ANK3: variants seen among roughly 807,000 people sequenced by gnomAD.
The protein encoded by ANK3 is ankyrin-3.
ANK3 carries 57 observed loss-of-function variants against 370.9 expected under a neutral mutation model. The ratio of observed to expected loss-of-function variants is 0.15; its 90% CI spans 0.12 to 0.19. The LOEUF is 0.19. ANK3 is among the 10% of genes least tolerant of loss of function. The probability of loss-of-function intolerance (pLI) is 1.00; values close to 1 mark genes in which losing one functional copy is unlikely to be tolerated. For synonymous variants in ANK3, 1,929 were observed against 1,946.3 expected (o/e 0.99, Z 0.23); for missense variants, 4,439 against 5,302.1 (o/e 0.84, Z 5.06).
chr10:60,055,998 T>C lies in ANK3; in HGVS notation c.12725A>G (p.Lys4242Arg), dbSNP rs759965221. ...QCRDSITSYL[K>R]GEAGKFEANG... is the part of the protein sequence containing the mutation. ...TGCTTCAAATTTGCCAGCTTCTCCT[T>C]TGAGATATGAGGTAATGGAATCTCT... is the stretch of plus-strand genomic sequence containing the variant. The change falls in exon 42 of 44, where the codon AAA becomes AGA. Residue 4242 changes from lysine to arginine, a missense_variant. Coordinates refer to ENST00000280772, the MANE Select transcript of ANK3 (RefSeq NM_020987.5). 1.2e-6 allele frequency: 2 copies of C among 1,613,750 alleles called. No homozygotes were observed. The highest frequency in any genetic ancestry group is 8.5e-7 in the Non-Finnish European group (1 of 1,179,998).
chr10:60,078,293 T>C (rs2084291706), intron 36 of ANK3, among the ~76,000 whole-genome samples: 1 of 152,190 alleles, frequency 6.6e-6, no homozygotes, highest in Non-Finnish European at 1.5e-5. Context: ...GGCTTACATA[T>C]TATTCTAAAG....
In ANK3 at chr10:60,618,566, G is replaced by C. The variant is rs116167825; in HGVS notation, c.58-3342C>G. On this transcript the variant is annotated intron_variant, in intron 1 of 43. Transcript: ENST00000373827. ...AAGAGTAGGACTTTGAAGCAAAAGA[G>C]AAACTCTTGGAGGAAAAGGGTTGAG... Among the ~76,000 whole-genome samples the C allele has an allele frequency of 2.0e-3, 301 of 152,214 alleles. 1 individual carries two copies. The highest frequency in any genetic ancestry group is 6.9e-3 in the African/African-American group (286 of 41,528).
In ANK3 at chr10:60,450,357, G is replaced by A. The variant is rs1033997958; in HGVS notation, c.96+164829C>T. The stretch of plus-strand genomic sequence containing the variant: ...ATTTGCGGTGTTTGCCACTTTCCAT[G>A]ATGTAAATACTCCCATCATGGCTGA... On this transcript the variant is annotated intron_variant, in intron 2 of 43. Coordinates refer to the ANK3 transcript ENST00000373827. Among the ~76,000 whole-genome samples, 4 of 152,106 alleles carry A rather than the reference G, an allele frequency of 2.6e-5. No homozygotes were observed. In the South Asian group the frequency reaches 8.3e-4, roughly 32 times the overall value.
intron 1 of ANK3, among the ~76,000 whole-genome samples, chr10:60,720,913 C>T (rs74157812): frequency 6.6e-6 from 1 of 152,132 alleles, no homozygotes; most frequent in Non-Finnish European, 1.5e-5. Flanking sequence ...AAGCCCAGAC[C>T]TTTTGAAGGT....
At chr10:60,263,650 C>T (rs368548299) in intron 6 of ANK3, among the ~76,000 whole-genome samples, 185 bp downstream of exon 6, 5 of 152,164 alleles carry the variant, frequency 3.3e-5, no homozygotes, top group Non-Finnish European at 7.3e-5. Context: ...ATTCCCCTCA[C>T]CCCCCAACTT....
At chr10:60,150,955 T>A (rs1048686760) in intron 23 of ANK3, among the ~76,000 whole-genome samples, 1 of 152,188 alleles carries the variant, frequency 6.6e-6, no homozygotes, top group Non-Finnish European at 1.5e-5. Flanking sequence ...TAAATGCAAA[T>A]TCCAGTTTCT....
intron 2 of ANK3, among the ~76,000 whole-genome samples, chr10:60,539,931 G>A (rs1045206390): frequency 6.6e-6 from 1 of 151,906 alleles, no homozygotes; most frequent in Non-Finnish European, 1.5e-5. Context: ...CAACAAAGTA[G>A]CTCAAAATTA....
At position 60,029,460 on chromosome 10, in the gene ANK3, T is replaced by C. The variant is rs902260188; in HGVS notation, c.*386A>G. ...CGAGCTGTTGTAGATTTAGTAATTT[T>C]AGTGTTTCTCTGTGATTTGATCATT... On this transcript the variant is annotated 3_prime_UTR_variant, in exon 44 of 44. Coordinates refer to ENST00000280772, the MANE Select transcript of ANK3 (RefSeq NM_020987.5). 2.0e-5 allele frequency: 3 copies of C among 152,666 alleles called. No homozygotes were observed. Among genetic ancestry groups the C allele is most frequent in the Non-Finnish European group, 4.4e-5 (3 of 68,040 alleles). The allele number at this position is 152,666 out of a possible 1,614,324, so 9.5% of individuals were successfully genotyped here.
chr10:60,470,244 T>C (rs1014361905), intron 2 of ANK3, among the ~76,000 whole-genome samples: 1 of 152,132 alleles, frequency 6.6e-6, no homozygotes, highest in African/African-American at 2.4e-5. Flanking sequence ...GTTGTTATTT[T>C]AGTTGGATAG....
intron 1 of ANK3, among the ~76,000 whole-genome samples, chr10:60,695,245 A>C (rs2079428206): frequency 6.6e-6 from 1 of 152,186 alleles, no homozygotes; most frequent in Admixed American, 6.5e-5. Context: ...ACCCAGATTC[A>C]TAAAGCAAGC....
chr10:60,729,325 G>A (rs187393622), intron 1 of ANK3, among the ~76,000 whole-genome samples: 27 of 152,312 alleles, frequency 1.8e-4, no homozygotes, highest in African/African-American at 6.5e-4. Flanking sequence ...CATATCCTCA[G>A]CATGAAGCCT....
chr10:60,368,416 A>G, intron 1 of ANK3, among the ~76,000 whole-genome samples: 1 of 152,110 alleles, frequency 6.6e-6, no homozygotes, highest in African/African-American at 2.4e-5. Flanking sequence ...ACCAAGGCAA[A>G]CATTGCTTCT....
chr10:60,733,524 G>A (rs1018278075), upstream of ANK3: 265 of 405,480 alleles, frequency 6.5e-4, no homozygotes, highest in Non-Finnish European at 7.1e-4. Context: ...CGCGCGGGCC[G>A]GTGCGCCGGG....
chr10:60,696,370 G>C (rs1424959389), intron 1 of ANK3, among the ~76,000 whole-genome samples: 1 of 149,016 alleles, frequency 6.7e-6, no homozygotes, highest in East Asian at 1.9e-4. Context: ...CCAATCAATA[G>C]AAAAAGAGGG....
At chr10:60,311,607 G>T (rs1338716741) in intron 1 of ANK3, among the ~76,000 whole-genome samples, 1 of 152,040 alleles carries the variant, frequency 6.6e-6, no homozygotes, top group Non-Finnish European at 1.5e-5. Flanking sequence ...AAATTCTCTG[G>T]TCTGGTCTCA....
intron 7 of ANK3, among the ~76,000 whole-genome samples, chr10:60,254,705 A>G (rs74413632): frequency 0.035 from 5,373 of 152,208 alleles, 310 homozygotes; most frequent in African/African-American, 0.12. Context: ...CTAAAATTCT[A>G]TTAGTATCCT....
At chr10:60,376,932 T>C (rs1414225029) in intron 1 of ANK3, among the ~76,000 whole-genome samples, 2 of 152,190 alleles carry the variant, frequency 1.3e-5, no homozygotes, top group South Asian at 2.1e-4. Flanking sequence ...TATTTTTAGA[T>C]GGCAAAGAAT....
intron 2 of ANK3, among the ~76,000 whole-genome samples, chr10:60,538,885 G>T (rs925909589): frequency 6.6e-6 from 1 of 151,826 alleles, no homozygotes; most frequent in Non-Finnish European, 1.5e-5. Context: ...TGAAACAATG[G>T]CTTCTAATGA....
chr10:60,347,991 C>T (rs1033968298), intron 1 of ANK3, among the ~76,000 whole-genome samples: 2 of 152,058 alleles, frequency 1.3e-5, no homozygotes, highest in Non-Finnish European at 2.9e-5. Context: ...CTTCTTAGCC[C>T]CAACCCCCAA....
Sources: allele counts gnomAD v4.1 joint callset (sites outside exome capture counted in the v4.1 genomes callset), GRCh38; gene constraint gnomAD v4.1.1; transcripts MANE v1.5; gene names NCBI Gene and HGNC (gene_info 2026-07-23, HGNC 2026-07-21).